The following PPP1R12A variants were observed in gnomAD, a reference collection of about 807,000 sequenced individuals.
PPP1R12A encodes the protein protein phosphatase 1 regulatory subunit 12A.
Under a neutral mutation model 139.6 loss-of-function variants are expected in PPP1R12A, and 19 were observed. The observed-to-expected ratio is 0.14, with a 90% CI of 0.09 to 0.20. PPP1R12A has a LOEUF of 0.20. PPP1R12A is among the 10% of genes least tolerant of loss of function. The pLI, the probability that PPP1R12A is intolerant of heterozygous loss-of-function variation, is 1.00. For missense variants in PPP1R12A, 925 were observed against 1,211.5 expected (o/e 0.76, Z 3.51); for synonymous variants, 427 against 420.6 (o/e 1.02, Z -0.19).
At chr12:79,847,991 A>G (rs1879605851) in intron 2 of PPP1R12A, among the ~76,000 whole-genome samples, 1 of 152,166 alleles carries the variant, frequency 6.6e-6, no homozygotes, top group African/African-American at 2.4e-5. Context: ...TCTAAGAGAT[A>G]GAGGAAGAGA....
chr12:79,877,126 G>A (rs758350437), intron 1 of PPP1R12A, among the ~76,000 whole-genome samples: 3 of 152,180 alleles, frequency 2.0e-5, no homozygotes, highest in African/African-American at 4.8e-5. Context: ...CTTTTTGGAC[G>A]TTGGTGTCTT....
intron 1 of PPP1R12A, among the ~76,000 whole-genome samples, chr12:79,900,054 C>T (rs1885494834): frequency 2.6e-5 from 4 of 152,182 alleles, no homozygotes; most frequent in African/African-American, 9.6e-5. Context: ...GCCATCCTTT[C>T]CACCCTGCAA....
intron 9 of PPP1R12A, 45 bp downstream of exon 9, chr12:79,817,349 A>C: frequency 6.4e-7 from 1 of 1,569,896 alleles, no homozygotes; most frequent in South Asian, 1.1e-5. Context: ...CAAGTGGTAC[A>C]TAAATAGAAT....
chr12:79,920,449 G>A (rs1286546660), intron 1 of PPP1R12A, among the ~76,000 whole-genome samples: 1 of 152,128 alleles, frequency 6.6e-6, no homozygotes, highest in East Asian at 1.9e-4. Flanking sequence ...TTTGAAAGTG[G>A]CTATACCATC....
chr12:79,905,344 C>CG (rs1555244711), intron 1 of PPP1R12A, among the ~76,000 whole-genome samples: 1 of 107,202 alleles, frequency 9.3e-6, no homozygotes, highest in Admixed American at 1.5e-4. Context: ...TTGCCGCCCC[C>CG]CCCCACCCCT....
At chr12:79,890,901 CCACCCACACA>C (rs1288710297) in intron 1 of PPP1R12A, among the ~76,000 whole-genome samples, 10 of 30,950 alleles carry the variant, frequency 3.2e-4, no homozygotes, top group African/African-American at 1.4e-3. Context: ...CCACCCACAC[CCACCCACACA>C]CACACACACA....
chr12:79,838,466 G>A (rs760703031), intron 3 of PPP1R12A, among the ~76,000 whole-genome samples: 1 of 152,208 alleles, frequency 6.6e-6, no homozygotes, highest in Non-Finnish European at 1.5e-5. Flanking sequence ...AAGACAAAGG[G>A]GAAAAGGTCC....
intron 3 of PPP1R12A, among the ~76,000 whole-genome samples, chr12:79,841,654 A>G (rs995775719): frequency 6.6e-6 from 1 of 152,228 alleles, no homozygotes; most frequent in Non-Finnish European, 1.5e-5. Context: ...ACAACTGCTA[A>G]TATCAGATAA....
In PPP1R12A at chr12:79,915,785, T is replaced by C. The variant is rs141800441; in HGVS notation, c.237+18910A>G. On this transcript the variant is annotated intron_variant, in intron 1 of 24. Coordinates refer to ENST00000450142, the MANE Select transcript of PPP1R12A (RefSeq NM_002480.3). ...CAAGGACCACTATGTTAGTCTTCCC[T>C]TTGGGTTGACACTGAGTGATCAATC... 3.3e-3 allele frequency among the ~76,000 whole-genome samples: 503 copies of C among 152,280 alleles called. 1 individual carries two copies. The highest frequency in any genetic ancestry group is 0.012 in the African/African-American group (483 of 41,570).
Position 79,776,044 on chromosome 12 carries a change from TTTACC to T in PPP1R12A, c.3007-34_3007-30del, listed in dbSNP as rs764841170. The T allele has an allele frequency of 3.8e-6, 5 of 1,313,012 alleles. No homozygotes were observed. In the East Asian group the frequency reaches 1.2e-4, roughly 32 times the overall value. 81.3% of individuals were successfully genotyped at this position (1,313,012 alleles called of 1,614,324 possible). On this transcript the variant is annotated intron_variant, in intron 24 of 24. Coordinates refer to ENST00000450142, the MANE Select transcript of PPP1R12A (RefSeq NM_002480.3). Reference sequence around the variant, plus strand: ...TAAAGAGAAAAATTGAAGATCAAGTTTTACCTTCAATATTAAAAGATAAAACATTA... The same window carrying T: ...TAAAGAGAAAAATTGAAGATCAAGTTTTCAATATTAAAAGATAAAACATTA...
At chr12:79,779,445 G>A (rs1182765815) in intron 23 of PPP1R12A, 1 of 931,884 alleles carries the variant, frequency 1.1e-6, no homozygotes, top group Non-Finnish European at 1.5e-6. Flanking sequence ...CTGATATTTA[G>A]TCAAGCAGTA....
Position 79,778,537 on chromosome 12 carries a change from A to G in PPP1R12A, c.3006+13T>C. ...AACAGCACTCTCTCTCATAAGTAAC[A>G]TAGTTTACTTACTTTGAGCTCTTCT... is the stretch of plus-strand genomic sequence containing the variant. On this transcript the variant is annotated intron_variant, in intron 24 of 24. Coordinates refer to ENST00000450142, the MANE Select transcript of PPP1R12A (RefSeq NM_002480.3). The G allele has an allele frequency of 6.7e-7, 1 of 1,487,170 alleles. No individual in the cohort carries two copies. 92.1% of individuals were successfully genotyped at this position (1,487,170 alleles called of 1,614,324 possible).
intron 1 of PPP1R12A, among the ~76,000 whole-genome samples, chr12:79,901,965 A>T (rs554018626): frequency 6.6e-6 from 1 of 152,326 alleles, no homozygotes; most frequent in East Asian, 1.9e-4. Flanking sequence ...TTCTATGCAA[A>T]GGGAAAATAT....
intron 14 of PPP1R12A, among the ~76,000 whole-genome samples, chr12:79,802,987 T>C (rs950858414): frequency 2.0e-5 from 3 of 152,152 alleles, no homozygotes; most frequent in Non-Finnish European, 4.4e-5. Flanking sequence ...CTACACTCTC[T>C]CCCTATGAGC....
rs920154655 is a variant in PPP1R12A, at chr12:79,793,790, T to A, written c.2649+73A>T. 2.5e-6 allele frequency: 3 copies of A among 1,209,324 alleles called. No individual in the cohort carries two copies. In the Admixed American group the frequency reaches 6.4e-5, roughly 26 times the overall value. The allele number at this position is 1,209,324 out of a possible 1,614,324, so 74.9% of individuals were successfully genotyped here. ...AATAACTGCTTTGCATGAATAAACA[T>A]AATAAAACGCAATTTAAAAGTAATT... On this transcript the variant is annotated intron_variant, in intron 19 of 24. Transcript: ENST00000450142.
rs377610727 is a variant in PPP1R12A, at chr12:79,817,469, T to C, written c.1164A>G (p.Thr388=). ...TTGTAACAGCTACAGGAGCTGCTTG[T>C]GTACTAGAAGTGTTGGCATTAGTTA... ...ASVTNANTSS[T]QAAPVAVTTP... Residue 388 remains threonine, a synonymous_variant, in exon 9 of 25, where the codon ACA becomes ACG. Transcript: ENST00000450142. The C allele has an allele frequency of 2.8e-4, 456 of 1,607,856 alleles. No homozygotes were observed. Among genetic ancestry groups the C allele is most frequent in the Admixed American group, 6.9e-4 (41 of 59,214 alleles).
intron 1 of PPP1R12A, among the ~76,000 whole-genome samples, chr12:79,894,174 T>C (rs1344256955): frequency 2.6e-5 from 4 of 152,134 alleles, no homozygotes; most frequent in African/African-American, 9.7e-5. Flanking sequence ...ACATAACCAA[T>C]AGCATATAAT....
intron 1 of PPP1R12A, among the ~76,000 whole-genome samples, chr12:79,902,334 A>G (rs1885721360): frequency 6.6e-6 from 1 of 152,140 alleles, no homozygotes; most frequent in Admixed American, 6.5e-5. Flanking sequence ...TTTCATTAGT[A>G]CTGCGTTTTA....
chr12:79,849,662 A>G (rs1879820217), intron 2 of PPP1R12A, among the ~76,000 whole-genome samples: 1 of 152,194 alleles, frequency 6.6e-6, no homozygotes, highest in Non-Finnish European at 1.5e-5. Context: ...TTCCAAACTG[A>G]AAGTTAGATG....
Sources: gnomAD v4.1 joint callset for allele counts (sites outside exome capture counted in the v4.1 genomes callset) on GRCh38, gnomAD v4.1.1 for gene constraint, MANE v1.5 for transcripts, NCBI Gene and HGNC (gene_info 2026-07-23, HGNC 2026-07-21) for gene names.